AGO4: variants seen among roughly 807,000 people sequenced by gnomAD.
The protein encoded by AGO4 is argonaute RISC component 4.
Under a neutral mutation model 104.7 loss-of-function variants are expected in AGO4, and 33 were observed. The ratio of observed to expected loss-of-function variants is 0.32; its 90% CI spans 0.24 to 0.42. The LOEUF (loss-of-function observed/expected upper bound fraction) is 0.42, where lower values mean the gene tolerates loss of function less well. Ranked by LOEUF, AGO4 falls within the 10% of genes least tolerant of loss-of-function variation. The pLI, the probability that AGO4 is intolerant of heterozygous loss-of-function variation, is 1.00. For synonymous variants in AGO4, 331 were observed against 364.7 expected, an observed-to-expected ratio of 0.91 and a Z score of 1.05; for missense variants, 711 against 1,083.4, an observed-to-expected ratio of 0.66 and a Z score of 4.83.
At chr1:35,846,622 TA>T (rs1380588381) in intron 15 of AGO4, among the ~76,000 whole-genome samples, 1 of 150,240 alleles carries the variant, frequency 6.7e-6, no homozygotes, top group Non-Finnish European at 1.5e-5. Flanking sequence ...TATATATATA[TA>T]TATATATTTA....
At chr1:35,830,669 C>T (rs1240896010) in intron 7 of AGO4, among the ~76,000 whole-genome samples, 1 of 152,068 alleles carries the variant, frequency 6.6e-6, no homozygotes, top group South Asian at 2.1e-4. Flanking sequence ...TGAAAATGCT[C>T]AAATAAAGAT....
chr1:35,832,011 C>T (rs775526270), intron 9 of AGO4, 46 bp from the exon 10 acceptor site: 1 of 1,605,426 alleles, frequency 6.2e-7, no homozygotes, highest in South Asian at 1.1e-5. Context: ...TCCTGGGACA[C>T]AGTTACTCTC....
chr1:35,807,680 G>T (rs1000862547), upstream of AGO4, among the ~76,000 whole-genome samples: 4 of 152,196 alleles, frequency 2.6e-5, no homozygotes. Flanking sequence ...AGTTGGGTGT[G>T]TGGTGCTGAA....
At chr1:35,810,746 C>G (rs897386016) in intron 1 of AGO4, among the ~76,000 whole-genome samples, 2 of 152,154 alleles carry the variant, frequency 1.3e-5, no homozygotes, top group African/African-American at 4.8e-5. Flanking sequence ...ATCATCTCCT[C>G]TTCATTAAGG....
At chr1:35,811,377 G>A (rs1464631840) in intron 1 of AGO4, among the ~76,000 whole-genome samples, 1 of 151,046 alleles carries the variant, frequency 6.6e-6, no homozygotes, top group African/African-American at 2.4e-5. Flanking sequence ...CAGGAGAATC[G>A]CTTGAACACA....
chr1:35,843,714 C>G (rs1644502645), intron 15 of AGO4, among the ~76,000 whole-genome samples: 1 of 152,150 alleles, frequency 6.6e-6, no homozygotes, highest in Non-Finnish European at 1.5e-5. Context: ...TGAACTCTTG[C>G]CTGACCTCTG....
intron 16 of AGO4, 74 bp from the exon 17 acceptor site, chr1:35,850,780 C>CA (rs796652586): frequency 0.24 from 128,242 of 529,252 alleles, 1,538 homozygotes; most frequent in East Asian, 0.35. Flanking sequence ...GACTCCATCT[C>CA]AAAAAAAAAA....
Position 35,841,040 on chromosome 1 carries a change from A to G in AGO4, c.1725-125A>G. 4 of 1,024,690 alleles carry G rather than the reference A, an allele frequency of 3.9e-6. No homozygotes were observed. The South Asian group carries it at 4.9e-5, about 13-fold the overall frequency. 63.5% of individuals were successfully genotyped at this position (1,024,690 alleles called of 1,614,324 possible). On this transcript the variant is annotated intron_variant, in intron 13 of 17. Transcript: ENST00000373210. This position sits in a 1 kb window ranked among gnomAD's most constrained non-coding sequence, Gnocchi z 4.7. Reference sequence around the variant, plus strand: ...CAGTGGTCCGTAGTGTTCTTTCCCAATGGGCTTAAGTCTTTGTTCTCTCTT... The same window carrying G: ...CAGTGGTCCGTAGTGTTCTTTCCCAGTGGGCTTAAGTCTTTGTTCTCTCTT...
intron 15 of AGO4, among the ~76,000 whole-genome samples, chr1:35,845,140 G>T (rs1480364744): frequency 2.4e-5 from 1 of 42,370 alleles, no homozygotes; most frequent in Non-Finnish European, 4.9e-5. Flanking sequence ...TTGAAATGGA[G>T]TTTCTGTAAT....
In AGO4 at chr1:35,851,043, G is replaced by A; in HGVS notation, c.2467G>A (p.Asp823Asn). Reference protein sequence around the residue: ...FRARYHLVDKDHDSAEGSHVS... With the variant: ...FRARYHLVDKNHDSAEGSHVS... ...GGCAAGGTATCATCTGGTGGATAAAGATCATGACAGGCAAGTTTCTTAGGC... is the reference window on the plus strand; with the variant it reads ...GGCAAGGTATCATCTGGTGGATAAAAATCATGACAGGCAAGTTTCTTAGGC... The change falls in exon 17 of 18, where the codon GAT becomes AAT. Residue 823 changes from aspartate to asparagine, a missense_variant. Asp to Asn is a conservative substitution (Grantham distance 23, BLOSUM62 1). Around this residue, in one of 3 missense-constraint regions of AGO4, gnomAD observed 401 missense variants for 665.5 expected, o/e 0.60. Transcript: ENST00000373210. 1.9e-6 allele frequency: 3 copies of A among 1,610,338 alleles called. No individual in the cohort carries two copies. Among genetic ancestry groups the A allele is most frequent in the Non-Finnish European group, 2.5e-6 (3 of 1,178,040 alleles).
rs1428140451 is a variant in AGO4 at position 35,808,340 on chromosome 1, C to T, written c.-77C>T. 5 of 553,082 alleles carry T rather than the reference C, an allele frequency of 9.0e-6. No individual in the cohort carries two copies. The highest frequency in any genetic ancestry group is 1.1e-5 in the Non-Finnish European group (5 of 435,136). The allele number at this position is 553,082 out of a possible 1,614,324, so 34.3% of individuals were successfully genotyped here. A position where few individuals can be genotyped will look rare whatever the true frequency, so the allele number is the denominator to read the frequency against. On this transcript the variant is annotated 5_prime_UTR_variant, in exon 1 of 18. Coordinates refer to ENST00000373210, the MANE Select transcript of AGO4 (RefSeq NM_017629.4). The surrounding 1 kb of genome is among the most constrained non-coding windows in gnomAD (Gnocchi z 5.2). ...AATATTCCGGAGATCAAGCGTTACG[C>T]GGCGGCGGCGGCGGCGGCGGCGGGG...
At position 35,841,823 on chromosome 1, in the gene AGO4, TATATATATATATATAC is replaced by T. The variant is rs1026964681; in HGVS notation, c.2175+75_2175+90del. 2.2e-3 allele frequency: 1,817 copies of T among 829,884 alleles called. 66 individuals carry two copies. Among genetic ancestry groups the T allele is most frequent in the Non-Finnish European group, 2.6e-3 (1,646 of 626,708 alleles). 51.4% of individuals were successfully genotyped at this position (829,884 alleles called of 1,614,324 possible). On this transcript the variant is annotated intron_variant, in intron 15 of 17. Coordinates refer to ENST00000373210, the MANE Select transcript of AGO4 (RefSeq NM_017629.4). The surrounding 1 kb of genome is among the most constrained non-coding windows in gnomAD (Gnocchi z 4.7). ...ATGTATATATGCACATATATATATA[TATATATATATATATAC>T]ACCATTTTTATACAATTTTTTTCTT...
intron 15 of AGO4, among the ~76,000 whole-genome samples, chr1:35,848,130 G>A (rs1322360071): frequency 6.6e-6 from 1 of 152,112 alleles, no homozygotes; most frequent in Non-Finnish European, 1.5e-5. Context: ...TATGTATTCT[G>A]TTCCTACAGT....
rs1643353200 is a variant in AGO4, at chr1:35,808,102, G to C, written c.-315G>C. Reference sequence around the variant, plus strand: ...GCCCCCTCCGCCCGCCGGGACCCTGGGTCCGCGCACCCCGCGCCCCCTTCC... The same window carrying C: ...GCCCCCTCCGCCCGCCGGGACCCTGCGTCCGCGCACCCCGCGCCCCCTTCC... On this transcript the variant is annotated 5_prime_UTR_variant, in exon 1 of 18. Coordinates refer to ENST00000373210, the MANE Select transcript of AGO4 (RefSeq NM_017629.4). The surrounding 1 kb of genome is among the most constrained non-coding windows in gnomAD (Gnocchi z 5.2). 6.7e-6 allele frequency: 1 copy of C among 149,446 alleles called. No individual in the cohort carries two copies. The highest frequency in any genetic ancestry group is 1.8e-4 in the South Asian group (1 of 5,620). 9.3% of individuals were successfully genotyped at this position (149,446 alleles called of 1,614,324 possible). A position where few individuals can be genotyped will look rare whatever the true frequency, so the allele number is the denominator to read the frequency against.
chr1:35,831,676 A>C, intron 8 of AGO4, 102 bp downstream of exon 8: 1 of 1,536,936 alleles, frequency 6.5e-7, no homozygotes, highest in Non-Finnish European at 8.8e-7. Flanking sequence ...TAATTTCTAA[A>C]ATATTTTTGG....
chr1:35,841,527 G>A lies in AGO4; in HGVS notation c.2040+47G>A, dbSNP rs1571301385. Reference sequence around the variant, plus strand: ...CCCTTCGGGGCCCCTAGGAGTCTGAGGGAGATTCCTCTCATCTACCATTCT... The same window carrying A: ...CCCTTCGGGGCCCCTAGGAGTCTGAAGGAGATTCCTCTCATCTACCATTCT... On this transcript the variant is annotated intron_variant, in intron 14 of 17. Transcript: ENST00000373210. The surrounding 1 kb of genome is among the most constrained non-coding windows in gnomAD (Gnocchi z 4.7). 1.2e-6 allele frequency: 2 copies of A among 1,608,138 alleles called. No homozygotes were observed. The highest frequency in any genetic ancestry group is 2.2e-5 in the East Asian group (1 of 44,812).
chr1:35,810,146 A>G (rs945859718), intron 1 of AGO4, among the ~76,000 whole-genome samples: 3 of 152,204 alleles, frequency 2.0e-5, no homozygotes, highest in African/African-American at 7.2e-5. Context: ...ACACTAATGA[A>G]TAAGCCAAAA....
chr1:35,807,784 G>T (rs571099902), upstream of AGO4, among the ~76,000 whole-genome samples: 1 of 152,276 alleles, frequency 6.6e-6, no homozygotes, highest in South Asian at 2.1e-4. Flanking sequence ...GGAGGGAGGC[G>T]AGGTGGCTCC....
intron 2 of AGO4, among the ~76,000 whole-genome samples, chr1:35,822,660 T>C (rs991141181): frequency 6.6e-6 from 1 of 152,236 alleles, no homozygotes; most frequent in Admixed American, 6.5e-5. Context: ...ATTTCTGATA[T>C]CATCTTACAG....
Sources: allele counts gnomAD v4.1 joint callset (sites outside exome capture counted in the v4.1 genomes callset), GRCh38; gene constraint gnomAD v4.1.1; regional missense constraint gnomAD v4.1.1; non-coding constraint Gnocchi (gnomAD v3.1); transcripts MANE v1.5; gene names NCBI Gene and HGNC (gene_info 2026-07-23, HGNC 2026-07-21).